Variants in RYK observed in about 807,000 individuals in gnomAD.
The protein encoded by RYK is receptor like tyrosine kinase, also known as inactive tyrosine-protein kinase RYK.
RYK carries 21 observed loss-of-function variants against 70.2 expected under a neutral mutation model. The ratio of observed to expected loss-of-function variants is 0.30; its 90% CI spans 0.21 to 0.43. The LOEUF (loss-of-function observed/expected upper bound fraction) is 0.43. Among genes scored for constraint, RYK ranks in the 20% least tolerant of loss-of-function variants. The probability of loss-of-function intolerance (pLI) is 1.00; values close to 1 mark genes in which losing one functional copy is unlikely to be tolerated. For synonymous variants in RYK, 267 were observed against 278.0 expected, an observed-to-expected ratio of 0.96 and a Z score of 0.39; for missense variants, 604 against 753.3, an observed-to-expected ratio of 0.80 and a Z score of 2.32.
chr3:134,219,029 C>T (rs983680963), intron 2 of RYK, among the ~76,000 whole-genome samples: 11 of 152,238 alleles, frequency 7.2e-5, no homozygotes, highest in African/African-American at 2.6e-4. Context: ...AATATCATAC[C>T]AGCAGTGGCA....
intron 3 of RYK, among the ~76,000 whole-genome samples, 166 bp downstream of exon 3, chr3:134,211,342 T>C (rs2014385622): frequency 6.6e-6 from 1 of 152,138 alleles, no homozygotes; most frequent in Non-Finnish European, 1.5e-5. Flanking sequence ...GAGAGAATGG[T>C]TTAAGAACAC....
chr3:134,211,415 T>C (rs1372193348), intron 3 of RYK, 93 bp downstream of exon 3: 1 of 740,894 alleles, frequency 1.3e-6, no homozygotes, highest in African/African-American at 1.8e-5. Context: ...TATCAAGTAA[T>C]ACACACTACA....
chr3:134,187,476 T>TA (rs2013501703), intron 9 of RYK, among the ~76,000 whole-genome samples: 1 of 152,300 alleles, frequency 6.6e-6, no homozygotes, highest in South Asian at 2.1e-4. Context: ...TCAGACCTGA[T>TA]AGACATTAAG....
chr3:134,192,324 C>T (rs892897307), intron 7 of RYK, among the ~76,000 whole-genome samples: 1 of 152,048 alleles, frequency 6.6e-6, no homozygotes, highest in African/African-American at 2.4e-5. Context: ...GACAGTTTTT[C>T]TCCCAAAAGG....
chr3:134,229,394 A>AC (rs1345663651), intron 1 of RYK, among the ~76,000 whole-genome samples: 1 of 151,764 alleles, frequency 6.6e-6, no homozygotes, highest in East Asian at 1.9e-4. Context: ...AAAAAAAAAA[A>AC]AAAACGTAGG....
chr3:134,176,027 G>C lies in RYK; in HGVS notation c.1318C>G (p.Gln440Glu). ...EANNPQAISQQDLVHMAIQIA... is the reference protein window; with the variant it reads ...EANNPQAISQEDLVHMAIQIA... ...TGAATAGCCATGTGTACCAGGTCTT[G>C]CTGAGAAATTGCCTGTGGTAACAAA... The change falls in exon 12 of 15, where the codon CAA (glutamine) becomes GAA (glutamate). Residue 440 changes from glutamine (Q) to glutamate (E), a missense_variant. By Grantham distance (29) the Gln-to-Glu change is conservative. Transcript: ENST00000623711. 6.3e-7 allele frequency: 1 copy of C among 1,595,298 alleles called. No individual in the cohort carries two copies. Among genetic ancestry groups the C allele is most frequent in the South Asian group, 1.1e-5 (1 of 87,694 alleles).
At chr3:134,237,745 C>G (rs1312517064) in intron 1 of RYK, among the ~76,000 whole-genome samples, 1 of 152,180 alleles carries the variant, frequency 6.6e-6, no homozygotes, top group Non-Finnish European at 1.5e-5. Flanking sequence ...TGTCCCTCTC[C>G]TCAGCCGCAA....
rs71624038 is a variant in RYK, at chr3:134,249,917, G to GTTTTTTTTTTTTTTTTTTTTTTTTT, written c.232+481_232+505dup. Among the ~76,000 whole-genome samples, 9 of 93,340 alleles carry GTTTTTTTTTTTTTTTTTTTTTTTTT rather than the reference G, an allele frequency of 9.6e-5. 1 individual carries two copies. Among genetic ancestry groups the GTTTTTTTTTTTTTTTTTTTTTTTTT allele is most frequent in the African/African-American group, 4.8e-4 (9 of 18,906 alleles). 61.2% of individuals were successfully genotyped at this position (93,340 alleles called of 152,430 possible). A position where few individuals can be genotyped will look rare whatever the true frequency, so the allele number is the denominator to read the frequency against. On this transcript the variant is annotated intron_variant, in intron 1 of 14. Coordinates refer to ENST00000623711, the MANE Select transcript of RYK (RefSeq NM_002958.4). ...TATAACCTCCCCTTCTTTCTCTCTC[G>GTTTTTTTTTTTTTTTTTTTTTTTTT]TTTTTTTTTTTTTTTTTTTTTTTTT...
chr3:134,177,957 TCTA>T lies in RYK; in HGVS notation c.1286_1288del (p.Val429del). The T allele has an allele frequency of 3.7e-6, 6 of 1,611,022 alleles. No homozygotes were observed. Among genetic ancestry groups the T allele is most frequent in the Non-Finnish European group, 4.2e-6 (5 of 1,179,060 alleles). ...TTTTCTCACCTGTGGATTATTGGCC[TCTA>T]CTAACTTGCACTGTCGTAAAAACAA... On this transcript the variant is annotated inframe_deletion, in exon 11 of 15. Coordinates refer to ENST00000623711, the MANE Select transcript of RYK (RefSeq NM_002958.4).
At chr3:134,169,132 A>G (rs1484241875) in intron 13 of RYK, among the ~76,000 whole-genome samples, 1 of 152,208 alleles carries the variant, frequency 6.6e-6, no homozygotes, top group Non-Finnish European at 1.5e-5. Context: ...GGATCTCTTC[A>G]CTGCCATAAA....
Position 134,211,452 on chromosome 3 carries a change from A to G in RYK, c.454+56T>C. The G allele has an allele frequency of 2.4e-6, 3 of 1,229,746 alleles. No individual in the cohort carries two copies. The Admixed American group carries it at 5.7e-5, about 23-fold the overall frequency. The allele number at this position is 1,229,746 out of a possible 1,614,324, so 76.2% of individuals were successfully genotyped here. A position where few individuals can be genotyped will look rare whatever the true frequency, so the allele number is the denominator to read the frequency against. On this transcript the variant is annotated intron_variant, in intron 3 of 14. Transcript: ENST00000623711. ...ATCAGTAAACTTCTGTTTTGGGGCC[A>G]TAGGGGATGCAGTTGAAAAAGTATG...
chr3:134,250,655 G>T lies in RYK; in HGVS notation c.-1C>A, dbSNP rs1323168620. 1 of 981,070 alleles carries T rather than the reference G, an allele frequency of 1.0e-6. No homozygotes were observed. Among genetic ancestry groups the T allele is most frequent in the Non-Finnish European group, 1.2e-6 (1 of 828,040 alleles). The allele number at this position is 981,070 out of a possible 1,614,324, so 60.8% of individuals were successfully genotyped here. A position where few individuals can be genotyped will look rare whatever the true frequency, so the allele number is the denominator to read the frequency against. Reference sequence around the variant, plus strand: ...GCCCCAGCCGCGCCGCCCCACGCATGGCCGCCGCCGCCGCCGCCGAAGAGG... The same window carrying T: ...GCCCCAGCCGCGCCGCCCCACGCATTGCCGCCGCCGCCGCCGCCGAAGAGG... On this transcript the variant is annotated 5_prime_UTR_variant, in exon 1 of 15. Coordinates refer to ENST00000623711, the MANE Select transcript of RYK (RefSeq NM_002958.4).
chr3:134,167,721 C>CTTCA (rs1034351707), intron 13 of RYK, among the ~76,000 whole-genome samples: 7 of 152,196 alleles, frequency 4.6e-5, no homozygotes, highest in African/African-American at 1.7e-4. Flanking sequence ...TGAGCAAGGA[C>CTTCA]TTCACGTCTA....
intron 6 of RYK, 109 bp from the exon 7 acceptor site, chr3:134,195,291 T>G (rs368476428): frequency 4.3e-5 from 31 of 713,048 alleles, no homozygotes; most frequent in Middle Eastern, 4.8e-4. Context: ...CTAAAATCCT[T>G]ACGGAGATCA....
At chr3:134,186,914 C>T (rs1443986899) in intron 9 of RYK, among the ~76,000 whole-genome samples, 4 of 151,506 alleles carry the variant, frequency 2.6e-5, no homozygotes, top group Non-Finnish European at 4.4e-5. Flanking sequence ...AAAAGAGTAA[C>T]AAAAGGCTGT....
intron 13 of RYK, among the ~76,000 whole-genome samples, chr3:134,173,185 G>A (rs1034065043): frequency 3.3e-5 from 5 of 151,972 alleles, no homozygotes; most frequent in African/African-American, 1.2e-4. Flanking sequence ...GGAGGCTGAG[G>A]CAGGAGAATC....
In RYK at chr3:134,202,840, C is replaced by A. The variant is rs766045769; in HGVS notation, c.678G>T (p.Thr226=). The change falls in exon 6 of 15, where the codon ACG becomes ACT. Residue 226 remains threonine, a synonymous_variant. Coordinates refer to ENST00000623711, the MANE Select transcript of RYK (RefSeq NM_002958.4). The part of the protein sequence containing the change: ...DPVHAAPTTS[T]RVFYISVGVC... ...CCCCTACACTAATATAAAACACACG[C>A]GTAGAAGTGGTTGGAGCTGCATGTA... 8.7e-6 allele frequency: 14 copies of A among 1,613,616 alleles called. No homozygotes were observed. In the South Asian group the frequency reaches 1.4e-4, roughly 16 times the overall value.
rs190439394 is a variant in RYK, at chr3:134,210,137, G to A, written c.455-308C>T. ...TTTAATACACCACTTTGTCTCATAAGTCCTGCTATTCCAGTACACTAAAAC... is the reference window on the plus strand; with the variant it reads ...TTTAATACACCACTTTGTCTCATAAATCCTGCTATTCCAGTACACTAAAAC... On this transcript the variant is annotated intron_variant, in intron 3 of 14. Transcript: ENST00000623711. 1.8e-3 allele frequency among the ~76,000 whole-genome samples: 275 copies of A among 152,256 alleles called. 2 individuals carry two copies. Among genetic ancestry groups the A allele is most frequent in the African/African-American group, 6.3e-3 (263 of 41,566 alleles).
chr3:134,218,866 T>C (rs2014644549), intron 2 of RYK, among the ~76,000 whole-genome samples: 1 of 151,684 alleles, frequency 6.6e-6, no homozygotes, highest in Non-Finnish European at 1.5e-5. Flanking sequence ...ACAAGAGAGG[T>C]AGGAAACAAA....
Sources: gnomAD v4.1 joint callset for allele counts (sites outside exome capture counted in the v4.1 genomes callset) on GRCh38, gnomAD v4.1.1 for gene constraint, MANE v1.5 for transcripts, NCBI Gene and HGNC (gene_info 2026-07-23, HGNC 2026-07-21) for gene names.